The following CWC15 variants were observed in gnomAD, a reference collection of about 807,000 sequenced individuals.
CWC15 encodes spliceosome-associated protein CWC15 homolog.
A neutral mutation model predicts 28.4 loss-of-function variants in CWC15; 12 were observed. That is an observed-to-expected ratio of 0.42 (90% CI 0.27 to 0.69). The LOEUF (loss-of-function observed/expected upper bound fraction) is 0.69. CWC15 is among the 30% of genes least tolerant of loss of function. The probability of loss-of-function intolerance (pLI) is 0.23; values close to 1 mark genes in which losing one functional copy is unlikely to be tolerated. For synonymous variants in CWC15, 92 were observed against 88.4 expected (o/e 1.04, Z -0.23); for missense variants, 192 against 271.5 (o/e 0.71, Z 2.06).
intron 4 of CWC15, 42 bp from the exon 5 acceptor site, chr11:94,970,138 C>G: frequency 1.9e-6 from 2 of 1,032,934 alleles, no homozygotes; most frequent in Non-Finnish European, 2.9e-6. Flanking sequence ...AGGGAAAATA[C>G]ACACTACCAA....
Position 94,970,093 on chromosome 11 carries a change from C to A in CWC15, c.337G>T (p.Glu113Ter). 6.7e-7 allele frequency: 1 copy of A among 1,483,036 alleles called. No individual in the cohort carries two copies. The highest frequency in any genetic ancestry group is 9.2e-7 in the Non-Finnish European group (1 of 1,085,406). 91.9% of individuals were successfully genotyped at this position (1,483,036 alleles called of 1,614,324 possible). ...LDADDPLTDE[E>*]DEDFEEESDD... Reference sequence around the variant, plus strand: ...CTTTCTTCTTCAAAATCTTCATCTTCCTCCTAAAAGAACAGTGAGAGCCCA... The same window carrying A: ...CTTTCTTCTTCAAAATCTTCATCTTACTCCTAAAAGAACAGTGAGAGCCCA... The change falls in exon 5 of 7, where the codon GAA becomes TAA. Residue 113 changes from glutamate to a stop codon, truncating the protein, a stop_gained. Transcript: ENST00000279839. LOFTEE classifies it high-confidence loss of function.
At position 94,963,223 on chromosome 11, in the gene CWC15, A is replaced by G. The variant is rs1161384620; in HGVS notation, c.*162T>C. On this transcript the variant is annotated 3_prime_UTR_variant, in exon 7 of 7. Transcript: ENST00000279839. ...GCAAACTGGGTTAAACCTATTCCCA[A>G]GTCCATTATCAAGTAAGGTATCACT... is the stretch of plus-strand genomic sequence containing the variant. 2.1e-6 allele frequency: 1 copy of G among 473,144 alleles called. No homozygotes were observed. The highest frequency in any genetic ancestry group is 3.5e-6 in the Non-Finnish European group (1 of 281,790). 29.3% of individuals were successfully genotyped at this position (473,144 alleles called of 1,614,324 possible). A position where few individuals can be genotyped will look rare whatever the true frequency, so the allele number is the denominator to read the frequency against.
intron 5 of CWC15, among the ~76,000 whole-genome samples, chr11:94,966,643 A>T (rs1555095358): frequency 6.7e-6 from 1 of 149,414 alleles, no homozygotes; most frequent in African/African-American, 2.5e-5. Context: ...TTCATGGTTG[A>T]TATCATACAG....
chr11:94,964,837 C>T (rs1857616071), intron 6 of CWC15, among the ~76,000 whole-genome samples: 1 of 152,234 alleles, frequency 6.6e-6, no homozygotes, highest in Non-Finnish European at 1.5e-5. Context: ...TCTACCTAAC[C>T]TCTAAACATA....
intron 4 of CWC15, 81 bp downstream of exon 4, chr11:94,970,896 C>A: frequency 8.5e-7 from 1 of 1,175,532 alleles, no homozygotes. Context: ...TATGTCACTT[C>A]TTAAAGCAAA....
chr11:94,968,145 T>A (rs1857671025), intron 5 of CWC15, among the ~76,000 whole-genome samples: 1 of 152,226 alleles, frequency 6.6e-6, no homozygotes, highest in South Asian at 2.1e-4. Context: ...AATATTTTAT[T>A]GAAACATTGC....
chr11:94,972,899 T>C (rs1221645392), intron 1 of CWC15, among the ~76,000 whole-genome samples: 1 of 152,178 alleles, frequency 6.6e-6, no homozygotes, highest in African/African-American at 2.4e-5. Context: ...CAGAGGATTC[T>C]GATGCCAAAA....
chr11:94,969,507 T>C (rs926560528), intron 5 of CWC15, among the ~76,000 whole-genome samples: 6 of 152,146 alleles, frequency 3.9e-5, no homozygotes, highest in African/African-American at 1.4e-4. Flanking sequence ...GAATTTTAAC[T>C]ATCTTTGAGT....
At position 94,963,293 on chromosome 11, in the gene CWC15, T is replaced by C; in HGVS notation, c.*92A>G. 9.4e-7 allele frequency: 1 copy of C among 1,061,388 alleles called. No homozygotes were observed. Among genetic ancestry groups the C allele is most frequent in the Non-Finnish European group, 1.3e-6 (1 of 780,966 alleles). The allele number at this position is 1,061,388 out of a possible 1,614,324, so 65.7% of individuals were successfully genotyped here. On this transcript the variant is annotated 3_prime_UTR_variant, in exon 7 of 7. Coordinates refer to ENST00000279839, the MANE Select transcript of CWC15 (RefSeq NM_016403.4). ...TAAAACTGGGGAAGCCCACACACAA[T>C]TTAGACAGGGGAAAAGAAAAAAAAA...
At chr11:94,963,640 C>T in intron 6 of CWC15, 126 bp from the exon 7 acceptor site, 1 of 621,864 alleles carries the variant, frequency 1.6e-6, no homozygotes, top group Admixed American at 4.2e-5. Context: ...TCTGATGCAG[C>T]AATTACACTC....
intron 4 of CWC15, chr11:94,970,634 C>T (rs1209548358): frequency 3.9e-6 from 1 of 253,646 alleles, no homozygotes; most frequent in Non-Finnish European, 7.7e-6. Context: ...CTAGAGGGCA[C>T]TGTTTATAGG....
rs782352953 is a variant in CWC15, at chr11:94,971,478, A to C, written c.141T>G (p.Thr47=). 2.5e-6 allele frequency: 4 copies of C among 1,605,512 alleles called. No individual in the cohort carries two copies. The African/African-American group carries it at 5.3e-5, about 21-fold the overall frequency. The change falls in exon 3 of 7, where the codon ACT becomes ACG. Residue 47 remains threonine (T), a synonymous_variant. Transcript: ENST00000279839. ...TACGAACCTCTTCAGGGGCATCCTG[A>C]GTAGTCTGTCTAAAGTAGAAACAAA... ...SHTKIKYRQT[T]QDAPEEVRNR... is the part of the protein sequence containing the mutation.
rs782025545 is a variant in CWC15, at chr11:94,973,507, G to GGCTC, written c.-19_-18insGAGC. ...TCCTCTTGCCGCTCACACTGGCCGA[G>GGCTC]GTCCGATGCAGCAGGCTCCGAAGAT... is the stretch of plus-strand genomic sequence containing the variant. On this transcript the variant is annotated 5_prime_UTR_variant, in exon 1 of 7. Transcript: ENST00000279839. The GGCTC allele has an allele frequency of 2.6e-5, 4 of 152,436 alleles. No homozygotes were observed. Among genetic ancestry groups the GGCTC allele is most frequent in the Non-Finnish European group, 4.4e-5 (3 of 68,156 alleles). The allele number at this position is 152,436 out of a possible 1,614,324, so 9.4% of individuals were successfully genotyped here.
chr11:94,972,874 CAG>C (rs1469687893), intron 1 of CWC15, among the ~76,000 whole-genome samples: 1 of 152,008 alleles, frequency 6.6e-6, no homozygotes, highest in African/African-American at 2.4e-5. Flanking sequence ...TCAAAAAAAA[CAG>C]GAACCTCACC....
chr11:94,973,107 G>A (rs1356194898), intron 1 of CWC15, among the ~76,000 whole-genome samples: 1 of 151,092 alleles, frequency 6.6e-6, no homozygotes, highest in African/African-American at 2.4e-5. Context: ...TGTATACAAA[G>A]AAGAAAACAG....
At chr11:94,969,839 A>G (rs1555095886) in intron 5 of CWC15, 150 bp downstream of exon 5, 1 of 437,280 alleles carries the variant, frequency 2.3e-6, no homozygotes, top group African/African-American at 2.0e-5. Flanking sequence ...GATGTCATAA[A>G]AATAATCATT....
intron 1 of CWC15, 150 bp from the exon 2 acceptor site, chr11:94,972,343 A>G (rs1555096366): frequency 4.1e-6 from 3 of 735,328 alleles, no homozygotes; most frequent in Non-Finnish European, 6.5e-6. Context: ...TCAAGAAAAC[A>G]AATTATGAGG....
chr11:94,968,832 T>C (rs994093287), intron 5 of CWC15, among the ~76,000 whole-genome samples: 1 of 152,230 alleles, frequency 6.6e-6, no homozygotes, highest in Non-Finnish European at 1.5e-5. Context: ...CCATGCAGTA[T>C]ATTTTCTTAC....
chr11:94,972,902 T>G (rs187069856), intron 1 of CWC15, among the ~76,000 whole-genome samples: 1 of 152,274 alleles, frequency 6.6e-6, no homozygotes, highest in East Asian at 1.9e-4. Context: ...AGGATTCTGA[T>G]GCCAAAAATC....
Sources: allele counts gnomAD v4.1 joint callset (sites outside exome capture counted in the v4.1 genomes callset), GRCh38; gene constraint gnomAD v4.1.1; transcripts MANE v1.5; gene names NCBI Gene and HGNC (gene_info 2026-07-23, HGNC 2026-07-21).